The following DKK2 variants were observed in gnomAD, a reference collection of about 807,000 sequenced individuals.
DKK2 encodes the protein dickkopf Wnt signaling pathway inhibitor 2.
Under a neutral mutation model 28.1 loss-of-function variants are expected in DKK2, and 11 were observed. The observed-to-expected ratio is 0.39, with a 90% confidence interval of 0.25 to 0.65. DKK2 has a LOEUF of 0.65. Among genes scored for constraint, DKK2 ranks in the 30% least tolerant of loss-of-function variants. The pLI, the probability that DKK2 is intolerant of heterozygous loss-of-function variation, is 0.47. For synonymous variants in DKK2, 135 were observed against 126.5 expected, an observed-to-expected ratio of 1.07 and a Z score of -0.45; for missense variants, 326 against 335.5, an observed-to-expected ratio of 0.97 and a Z score of 0.22.
At chr4:106,992,562 T>G (rs1350722955) in intron 1 of DKK2, among the ~76,000 whole-genome samples, 2 of 152,246 alleles carry the variant, frequency 1.3e-5, no homozygotes, top group Non-Finnish European at 2.9e-5. Flanking sequence ...AAATATGGGT[T>G]GTGCTGGCTA....
At chr4:107,024,815 A>T (rs1560594355) in intron 1 of DKK2, among the ~76,000 whole-genome samples, 1 of 152,190 alleles carries the variant, frequency 6.6e-6, no homozygotes, top group Non-Finnish European at 1.5e-5. Context: ...ATAGGCTAAC[A>T]AGGTTTTCTT....
chr4:107,027,965 G>C (rs567213727), intron 1 of DKK2, among the ~76,000 whole-genome samples: 2 of 151,986 alleles, frequency 1.3e-5, no homozygotes, highest in South Asian at 2.1e-4. Context: ...TGTTAGCCAG[G>C]ATGGTCTCGA....
chr4:107,016,932 C>T (rs1198336921), intron 1 of DKK2, among the ~76,000 whole-genome samples: 2 of 151,806 alleles, frequency 1.3e-5, no homozygotes, highest in African/African-American at 2.4e-5. Flanking sequence ...TCAAGAGAGG[C>T]ATTTTGCCTA....
chr4:106,972,772 G>C (rs187674646), intron 1 of DKK2, among the ~76,000 whole-genome samples: 8 of 152,220 alleles, frequency 5.3e-5, no homozygotes, highest in Non-Finnish European at 8.8e-5. Context: ...TAAGTTCTCA[G>C]ATACATTTGC....
intron 1 of DKK2, among the ~76,000 whole-genome samples, chr4:106,956,589 A>G (rs1331020091): frequency 1.3e-5 from 2 of 152,338 alleles, no homozygotes; most frequent in Non-Finnish European, 2.9e-5. Flanking sequence ...GCCCTCAGAA[A>G]TAACACTGCA....
intron 1 of DKK2, among the ~76,000 whole-genome samples, chr4:106,956,928 T>C (rs1722602646): frequency 6.6e-6 from 1 of 151,178 alleles, no homozygotes; most frequent in Non-Finnish European, 1.5e-5. Context: ...AAAGAGCTTC[T>C]GCACAGCAAA....
intron 1 of DKK2, among the ~76,000 whole-genome samples, chr4:106,955,326 T>A (rs903053716): frequency 1.3e-5 from 2 of 152,204 alleles, no homozygotes; most frequent in African/African-American, 2.4e-5. Context: ...AGGTAAAGCA[T>A]CTTTACAGCT....
chr4:106,999,111 A>G (rs1175385295), intron 1 of DKK2, among the ~76,000 whole-genome samples: 1 of 152,212 alleles, frequency 6.6e-6, no homozygotes, highest in Non-Finnish European at 1.5e-5. Flanking sequence ...TCCTGACCCC[A>G]CAGCTAAGTT....
At chr4:106,953,733 G>C (rs186109193) in intron 1 of DKK2, among the ~76,000 whole-genome samples, 30 of 152,264 alleles carry the variant, frequency 2.0e-4, no homozygotes, top group African/African-American at 7.2e-4. Flanking sequence ...ACCTCTTTCT[G>C]ACATTTCAGA....
chr4:106,959,146 T>C (rs1192464842), intron 1 of DKK2, among the ~76,000 whole-genome samples: 1 of 152,192 alleles, frequency 6.6e-6, no homozygotes, highest in East Asian at 1.9e-4. Context: ...TGTATTTTAC[T>C]TTCTGAAATC....
At chr4:106,933,334 G>A (rs899237500) in intron 1 of DKK2, among the ~76,000 whole-genome samples, 2 of 152,204 alleles carry the variant, frequency 1.3e-5, no homozygotes, top group African/African-American at 2.4e-5. Flanking sequence ...TGAAAACAAC[G>A]TGAGTCTAAA....
chr4:106,976,285 TG>T (rs1008326653), intron 1 of DKK2, among the ~76,000 whole-genome samples: 1 of 152,200 alleles, frequency 6.6e-6, no homozygotes, highest in African/African-American at 2.4e-5. Context: ...GTTCAAGTCC[TG>T]AATATCTTTG....
chr4:106,966,728 C>G (rs114951991), intron 1 of DKK2, among the ~76,000 whole-genome samples: 3,803 of 152,206 alleles, frequency 0.025, 62 homozygotes, highest in Non-Finnish European at 0.037. Flanking sequence ...GGAACTCTCT[C>G]CAAAGAATTA....
At chr4:106,940,198 G>C (rs1051774797) in intron 1 of DKK2, among the ~76,000 whole-genome samples, 6 of 152,104 alleles carry the variant, frequency 3.9e-5, no homozygotes, top group Non-Finnish European at 8.8e-5. Flanking sequence ...GAAAATTTTC[G>C]CAACCTACTC....
At chr4:106,938,199 C>A (rs1326613159) in intron 1 of DKK2, among the ~76,000 whole-genome samples, 3 of 147,940 alleles carry the variant, frequency 2.0e-5, no homozygotes, top group Non-Finnish European at 4.5e-5. Context: ...TTGAAAGGAT[C>A]AACAAAATTG....
intron 1 of DKK2, among the ~76,000 whole-genome samples, chr4:107,023,756 A>G (rs1258809746): frequency 1.3e-5 from 2 of 152,130 alleles, no homozygotes; most frequent in Admixed American, 1.3e-4. Context: ...GAAACTGACT[A>G]TACTTTTGGT....
At chr4:106,993,511 T>C (rs1271698544) in intron 1 of DKK2, among the ~76,000 whole-genome samples, 1 of 152,144 alleles carries the variant, frequency 6.6e-6, no homozygotes, top group Non-Finnish European at 1.5e-5. Context: ...GTTGGCTACT[T>C]GGATTGCTGA....
In DKK2 at chr4:106,938,559, T is replaced by TGAAACTATTCCAATCAATTCCAATCAATA. The variant is rs1724638131; in HGVS notation, c.223-12611_223-12610insTATTGATTGGAATTGATTGGAATAGTTTC. 2.0e-5 allele frequency among the ~76,000 whole-genome samples: 3 copies of TGAAACTATTCCAATCAATTCCAATCAATA among 152,220 alleles called. No homozygotes were observed. In the South Asian group the frequency reaches 6.2e-4, roughly 32 times the overall value. ...AGAGGTAAAAGGAGGAAATTCCTTC[T>TGAAACTATTCCAATCAATTCCAATCAATA]GAAACTATTCCAATCAATAGAAAAA... is the stretch of plus-strand genomic sequence containing the variant. On this transcript the variant is annotated intron_variant, in intron 1 of 3. Transcript: ENST00000285311.
At chr4:107,019,107 A>ATCTTTTCC (rs1277997862) in intron 1 of DKK2, among the ~76,000 whole-genome samples, 1 of 152,046 alleles carries the variant, frequency 6.6e-6, no homozygotes, top group Non-Finnish European at 1.5e-5. Context: ...TAAGAACTTC[A>ATCTTTTCC]ACAACGTTTC....
Sources: gnomAD v4.1 joint callset for allele counts (sites outside exome capture counted in the v4.1 genomes callset) on GRCh38, gnomAD v4.1.1 for gene constraint, MANE v1.5 for transcripts, NCBI Gene and HGNC (gene_info 2026-07-23, HGNC 2026-07-21) for gene names.